CCL28: variants seen among roughly 807,000 people sequenced by gnomAD.
The protein encoded by CCL28 is C-C motif chemokine 28.
Under a neutral mutation model 7.1 loss-of-function variants are expected in CCL28, and 4 were observed. The observed-to-expected ratio is 0.56, with a 90% CI of 0.28 to 1.29. The LOEUF (loss-of-function observed/expected upper bound fraction) is 1.29, where lower values mean the gene tolerates loss of function less well. Ranked by LOEUF, CCL28 falls within the 50% of genes most tolerant of loss-of-function variation. The pLI, the probability that CCL28 is intolerant of heterozygous loss-of-function variation, is 0.11. For missense variants in CCL28, 151 were observed against 163.4 expected (o/e 0.92, Z 0.41); for synonymous variants, 55 against 57.8 (o/e 0.95, Z 0.22).
Position 43,411,081 on chromosome 5 carries a change from T to G in CCL28, c.64+1172A>C, listed in dbSNP as rs367765141. On this transcript the variant is annotated intron_variant, in intron 1 of 2. Coordinates refer to ENST00000361115, the MANE Select transcript of CCL28 (RefSeq NM_148672.3). ...CTGCTTTAGCCAGTTCTTGCCATGGTATGGTGGAATCATTGTTGCCACATC... is the reference window on the plus strand; with the variant it reads ...CTGCTTTAGCCAGTTCTTGCCATGGGATGGTGGAATCATTGTTGCCACATC... Among the ~76,000 whole-genome samples the G allele has an allele frequency of 4.6e-4, 70 of 152,332 alleles. 1 individual carries two copies. Among genetic ancestry groups the G allele is most frequent in the African/African-American group, 1.7e-3 (70 of 41,586 alleles).
intron 1 of CCL28, among the ~76,000 whole-genome samples, chr5:43,405,634 A>T (rs1342011700): frequency 6.6e-6 from 1 of 152,228 alleles, no homozygotes; most frequent in Non-Finnish European, 1.5e-5. Context: ...GGAGTCTAGA[A>T]ATAACTAAGA....
chr5:43,389,148 G>A (rs1437217257), intron 1 of CCL28, among the ~76,000 whole-genome samples: 1 of 152,122 alleles, frequency 6.6e-6, no homozygotes, highest in East Asian at 1.9e-4. Context: ...TGAAAGGAGG[G>A]GACACGGAGT....
chr5:43,382,256 C>A (rs775058278), intron 2 of CCL28, among the ~76,000 whole-genome samples: 1 of 151,868 alleles, frequency 6.6e-6, no homozygotes, highest in Non-Finnish European at 1.5e-5. Flanking sequence ...AACACTGCTG[C>A]CTGTGGGTCC....
the CCL28 span, among the ~76,000 whole-genome samples, chr5:43,370,129 G>C: frequency 5.1e-3 from 784 of 152,312 alleles, 28 homozygotes; most frequent in East Asian, 0.083. Flanking sequence ...GACTTCAAGT[G>C]AGACCAGTAT....
At chr5:43,357,068 A>C in the CCL28 span, among the ~76,000 whole-genome samples, 1 of 152,142 alleles carries the variant, frequency 6.6e-6, no homozygotes, top group Non-Finnish European at 1.5e-5. Flanking sequence ...TGTTCAAAAT[A>C]TGGGTCTGGC....
At chr5:43,383,571 A>G (rs1231897449) in intron 2 of CCL28, among the ~76,000 whole-genome samples, 4 of 152,138 alleles carry the variant, frequency 2.6e-5, no homozygotes, top group Admixed American at 6.6e-5. Flanking sequence ...TGTGTATTAG[A>G]TAGAGAGTCT....
Position 43,412,370 on chromosome 5 carries a change from G to A in CCL28, c.-54C>T. ...AACACAAGTGAGGCTGTTCGATCAG[G>A]AAATGAGGCTAAAGGTGTCCTTGGG... On this transcript the variant is annotated 5_prime_UTR_variant, in exon 1 of 3. Transcript: ENST00000361115. 6 of 1,539,036 alleles carry A rather than the reference G, an allele frequency of 3.9e-6. No homozygotes were observed. Among genetic ancestry groups the A allele is most frequent in the South Asian group, 3.4e-5 (3 of 87,412 alleles).
the CCL28 span, among the ~76,000 whole-genome samples, chr5:43,361,181 A>G: frequency 4.6e-5 from 7 of 152,278 alleles, no homozygotes; most frequent in African/African-American, 1.7e-4. Context: ...ATAATATTTC[A>G]TGGTGTATAT....
chr5:43,364,327 G>A, the CCL28 span, among the ~76,000 whole-genome samples: 1 of 151,786 alleles, frequency 6.6e-6, no homozygotes, highest in South Asian at 2.1e-4. Flanking sequence ...GTATGTACAT[G>A]TACATGTGTG....
intron 1 of CCL28, among the ~76,000 whole-genome samples, chr5:43,400,288 A>T (rs1312186850): frequency 1.3e-5 from 2 of 152,110 alleles, no homozygotes; most frequent in Non-Finnish European, 2.9e-5. Flanking sequence ...GGCTGTAAAG[A>T]TCTCTTAGTG....
At chr5:43,411,216 A>T (rs1741524672) in intron 1 of CCL28, among the ~76,000 whole-genome samples, 1 of 152,212 alleles carries the variant, frequency 6.6e-6, no homozygotes, top group Non-Finnish European at 1.5e-5. Flanking sequence ...TAAAAAGCAG[A>T]CCAAAGACTT....
downstream of CCL28, among the ~76,000 whole-genome samples, chr5:43,378,169 C>T (rs1739964784): frequency 6.6e-6 from 1 of 152,044 alleles, no homozygotes; most frequent in South Asian, 2.1e-4. Context: ...ATAGTGAGAC[C>T]CTGTCTCTAC....
chr5:43,411,004 G>A (rs550847774), intron 1 of CCL28, among the ~76,000 whole-genome samples: 1 of 152,284 alleles, frequency 6.6e-6, no homozygotes, highest in Admixed American at 6.5e-5. Context: ...GAGTCCCTAA[G>A]CAAATGCCTG....
chr5:43,403,377 G>A (rs1388391214), intron 1 of CCL28, among the ~76,000 whole-genome samples: 1 of 152,144 alleles, frequency 6.6e-6, no homozygotes, highest in South Asian at 2.1e-4. Flanking sequence ...TGCAGCCTCC[G>A]CTGGTGATAT....
At chr5:43,388,251 T>C in intron 2 of CCL28, 99 bp downstream of exon 2, 2 of 1,426,126 alleles carry the variant, frequency 1.4e-6, no homozygotes, top group Non-Finnish European at 1.9e-6. Context: ...GATGATTGTT[T>C]GTATGTTGTA....
chr5:43,411,546 T>G (rs554832157), intron 1 of CCL28, among the ~76,000 whole-genome samples: 1 of 152,278 alleles, frequency 6.6e-6, no homozygotes, highest in East Asian at 1.9e-4. Flanking sequence ...CTCCCCTCTT[T>G]TTGTTTTTAA....
At chr5:43,383,030 G>A (rs1740743574) in intron 2 of CCL28, among the ~76,000 whole-genome samples, 1 of 151,992 alleles carries the variant, frequency 6.6e-6, no homozygotes, top group Non-Finnish European at 1.5e-5. Context: ...TGTTGGCCAG[G>A]CTGGTCTTGA....
At chr5:43,388,654 T>C (rs1344991685) in intron 1 of CCL28, among the ~76,000 whole-genome samples, 178 bp from the exon 2 acceptor site, 1 of 152,160 alleles carries the variant, frequency 6.6e-6, no homozygotes, top group Non-Finnish European at 1.5e-5. Flanking sequence ...TTAAGCTATA[T>C]TTGTGAAAGA....
intron 1 of CCL28, among the ~76,000 whole-genome samples, chr5:43,410,343 C>A (rs1741485154): frequency 6.6e-6 from 1 of 152,206 alleles, no homozygotes; most frequent in Non-Finnish European, 1.5e-5. Flanking sequence ...TGTTCTCAGG[C>A]CTACTTGTGT....
Sources: gnomAD v4.1 joint callset for allele counts (sites outside exome capture counted in the v4.1 genomes callset) on GRCh38, gnomAD v4.1.1 for gene constraint, MANE v1.5 for transcripts, NCBI Gene and HGNC (gene_info 2026-07-23, HGNC 2026-07-21) for gene names.